NELL1: variants seen among roughly 807,000 people sequenced by gnomAD.
The protein encoded by NELL1 is protein kinase C-binding protein NELL1.
A neutral mutation model predicts 107.4 loss-of-function variants in NELL1; 76 were observed. The observed-to-expected ratio is 0.71, with a 90% confidence interval of 0.59 to 0.86. The LOEUF is 0.86. Ranked by LOEUF, NELL1 falls within the 40% of genes least tolerant of loss-of-function variation. The pLI, the probability that NELL1 is intolerant of heterozygous loss-of-function variation, is 0.00. For missense variants in NELL1, 1,024 were observed against 1,005.5 expected, an observed-to-expected ratio of 1.02 and a Z score of -0.25; for synonymous variants, 353 against 341.2, an observed-to-expected ratio of 1.03 and a Z score of -0.38.
intron 15 of NELL1, among the ~76,000 whole-genome samples, chr11:21,391,276 G>C (rs890826270): frequency 6.6e-6 from 1 of 151,624 alleles, no homozygotes; most frequent in Non-Finnish European, 1.5e-5. Flanking sequence ...TTCTCTCTCT[G>C]AGAAACTGTG....
intron 13 of NELL1, among the ~76,000 whole-genome samples, chr11:21,147,836 C>CAAAAAAAAAAAAA (rs35688285): frequency 1.7e-4 from 5 of 28,818 alleles, no homozygotes; most frequent in Non-Finnish European, 2.4e-4. Flanking sequence ...AACTCCGTCT[C>CAAAAAAAAAAAAA]AAAAAAAAAA....
intron 12 of NELL1, among the ~76,000 whole-genome samples, chr11:21,008,811 A>G (rs969129183): frequency 2.6e-5 from 4 of 152,094 alleles, no homozygotes; most frequent in Non-Finnish European, 5.9e-5. Flanking sequence ...TTAACATGCA[A>G]TTATGATTTA....
chr11:20,827,966 C>T (rs990025595), intron 3 of NELL1, among the ~76,000 whole-genome samples: 1 of 151,190 alleles, frequency 6.6e-6, no homozygotes, highest in African/African-American at 2.4e-5. Context: ...GCTACCTACT[C>T]CCAACAGCCT....
chr11:20,915,719 T>TA (rs1332292027), intron 5 of NELL1, among the ~76,000 whole-genome samples: 1 of 24,326 alleles, frequency 4.1e-5, no homozygotes, highest in Non-Finnish European at 7.6e-5. Context: ...ATATATATAT[T>TA]TTTTTTTTTT....
intron 2 of NELL1, among the ~76,000 whole-genome samples, chr11:20,738,860 T>C (rs1855822977): frequency 6.6e-6 from 1 of 152,122 alleles, no homozygotes; most frequent in Non-Finnish European, 1.5e-5. Flanking sequence ...CCCCAGGAAG[T>C]GGAGTCAGAC....
At chr11:21,275,048 T>C (rs1848824088) in intron 14 of NELL1, among the ~76,000 whole-genome samples, 1 of 151,826 alleles carries the variant, frequency 6.6e-6, no homozygotes, top group African/African-American at 2.4e-5. Flanking sequence ...ATAACTAAGA[T>C]CAGAGCAGAA....
intron 15 of NELL1, among the ~76,000 whole-genome samples, chr11:21,470,298 G>A (rs1053788796): frequency 6.6e-6 from 1 of 151,928 alleles, no homozygotes; most frequent in Admixed American, 6.6e-5. Context: ...GCTTAGACTC[G>A]AGAGAGCAAA....
intron 13 of NELL1, among the ~76,000 whole-genome samples, chr11:21,183,558 A>T (rs1458703092): frequency 1.3e-5 from 2 of 151,754 alleles, no homozygotes; most frequent in African/African-American, 4.9e-5. Flanking sequence ...CCCTGGTGAG[A>T]TTATCATTAA....
At chr11:21,533,631 G>T (rs950965133) in intron 15 of NELL1, among the ~76,000 whole-genome samples, 1 of 152,124 alleles carries the variant, frequency 6.6e-6, no homozygotes, top group African/African-American at 2.4e-5. Flanking sequence ...TAAAAAGCCA[G>T]AGCCTAGACA....
chr11:20,983,478 A>T (rs1481254829), intron 12 of NELL1, among the ~76,000 whole-genome samples: 1 of 152,104 alleles, frequency 6.6e-6, no homozygotes, highest in Non-Finnish European at 1.5e-5. Flanking sequence ...TGCCCTGAAC[A>T]CCTGCTCTTC....
chr11:21,146,082 T>C (rs767847571), intron 13 of NELL1, among the ~76,000 whole-genome samples: 1 of 152,166 alleles, frequency 6.6e-6, no homozygotes, highest in Non-Finnish European at 1.5e-5. Context: ...TACTCGTTGG[T>C]AAAATGGTGA....
intron 12 of NELL1, among the ~76,000 whole-genome samples, chr11:21,054,250 G>C (rs2134352075): frequency 6.6e-6 from 1 of 152,030 alleles, no homozygotes; most frequent in African/African-American, 2.4e-5. Flanking sequence ...TAACAGTGTA[G>C]TTACTATTTG....
At chr11:21,087,849 C>T (rs1854431393) in intron 12 of NELL1, among the ~76,000 whole-genome samples, 1 of 152,150 alleles carries the variant, frequency 6.6e-6, no homozygotes. Flanking sequence ...TTATGCATTA[C>T]CTATGGCTAT....
chr11:20,717,768 T>A (rs1056139797), intron 2 of NELL1, among the ~76,000 whole-genome samples: 2 of 152,230 alleles, frequency 1.3e-5, no homozygotes, highest in African/African-American at 4.8e-5. Context: ...ATTACATATT[T>A]TTTTGGTCTC....
At position 21,053,483 on chromosome 11, in the gene NELL1, T is replaced by C. The variant is rs1239328032; in HGVS notation, c.1301-60106T>C. Among the ~76,000 whole-genome samples the C allele has an allele frequency of 2.0e-5, 3 of 152,266 alleles. No homozygotes were observed. The East Asian group carries it at 5.8e-4, about 29-fold the overall frequency. ...ACCCATTTTGAACTTAATTGCACTCTTACAGCTTTGAGCTTTCTTCAAGAG... is the reference window on the plus strand; with the variant it reads ...ACCCATTTTGAACTTAATTGCACTCCTACAGCTTTGAGCTTTCTTCAAGAG... On this transcript the variant is annotated intron_variant, in intron 12 of 19. Transcript: ENST00000357134.
chr11:21,457,491 G>T (rs571808914), intron 15 of NELL1, among the ~76,000 whole-genome samples: 1 of 152,304 alleles, frequency 6.6e-6, no homozygotes, highest in South Asian at 2.1e-4. Context: ...ATTACTTCTA[G>T]ATTTCTTTCT....
At chr11:21,305,403 C>T (rs988798121) in intron 14 of NELL1, among the ~76,000 whole-genome samples, 2 of 151,968 alleles carry the variant, frequency 1.3e-5, no homozygotes, top group African/African-American at 4.8e-5. Flanking sequence ...CACATAGATT[C>T]TAAGGGTACT....
At chr11:21,120,356 T>C (rs748709001) in intron 13 of NELL1, among the ~76,000 whole-genome samples, 4 of 152,168 alleles carry the variant, frequency 2.6e-5, no homozygotes, top group Non-Finnish European at 4.4e-5. Context: ...GTCAATTATA[T>C]TGATGAAATA....
intron 12 of NELL1, among the ~76,000 whole-genome samples, chr11:21,006,297 C>T (rs1011815034): frequency 1.3e-5 from 2 of 152,012 alleles, no homozygotes; most frequent in African/African-American, 4.8e-5. Context: ...AAGAGGGACC[C>T]GATCTGATAT....
Sources: allele counts gnomAD v4.1 joint callset (sites outside exome capture counted in the v4.1 genomes callset), GRCh38; gene constraint gnomAD v4.1.1; transcripts MANE v1.5; gene names NCBI Gene and HGNC (gene_info 2026-07-23, HGNC 2026-07-21).